The following CCDC192 variants were observed in gnomAD, a reference collection of about 807,000 sequenced individuals.
The protein encoded by CCDC192 is coiled-coil domain containing 192, also known as coiled-coil domain-containing protein 192.
intron 3 of CCDC192, chr5:127,784,512 G>GTAC (rs1756423603): frequency 2.8e-6 from 1 of 362,498 alleles, no homozygotes; most frequent in South Asian, 2.4e-5. Context: ...AAAAAGGGAG[G>GTAC]TACAATGGTG....
chr5:127,786,823 GC>G, intron 3 of CCDC192: 3 of 541,158 alleles, frequency 5.5e-6, no homozygotes, highest in South Asian at 1.8e-5. Context: ...TCAGGTGTCT[GC>G]CCCTTTTTTG....
At chr5:127,917,315 T>C (rs1172759710) in intron 6 of CCDC192, among the ~76,000 whole-genome samples, 1 of 152,206 alleles carries the variant, frequency 6.6e-6, no homozygotes, top group Non-Finnish European at 1.5e-5. Context: ...AATAAGGCTG[T>C]TTTCTTTTCT....
At chr5:127,808,462 T>C (rs1181726081) in intron 5 of CCDC192, among the ~76,000 whole-genome samples, 4 of 152,122 alleles carry the variant, frequency 2.6e-5, no homozygotes, top group South Asian at 2.1e-4. Flanking sequence ...GGACTGTGGA[T>C]TCAGTTACAT....
intron 5 of CCDC192, among the ~76,000 whole-genome samples, chr5:127,843,257 C>T (rs967726828): frequency 2.0e-5 from 3 of 151,336 alleles, no homozygotes; most frequent in African/African-American, 7.3e-5. Context: ...CCCGGATGGT[C>T]TCGATCTCCT....
At chr5:127,824,649 CAT>C (rs146408956) in intron 5 of CCDC192, among the ~76,000 whole-genome samples, 1,598 of 152,212 alleles carry the variant, frequency 0.01, 29 homozygotes, top group African/African-American at 0.036. Context: ...GAAATTGCCT[CAT>C]AGATCAAGAA....
intron 5 of CCDC192, among the ~76,000 whole-genome samples, chr5:127,813,860 T>C (rs1312149545): frequency 2.6e-5 from 4 of 152,218 alleles, no homozygotes; most frequent in Non-Finnish European, 5.9e-5. Context: ...TATTGTGTTA[T>C]AGGAACTAAG....
intron 2 of CCDC192, among the ~76,000 whole-genome samples, chr5:127,752,445 C>G (rs930373054): frequency 6.6e-6 from 1 of 152,186 alleles, no homozygotes; most frequent in African/African-American, 2.4e-5. Context: ...GGTCAGGGAC[C>G]CACTTGAGGA....
chr5:127,843,029 G>GTTTT lies in CCDC192; in HGVS notation c.412-32489_412-32486dup, dbSNP rs11428874. Among the ~76,000 whole-genome samples the GTTTT allele has an allele frequency of 2.6e-3, 241 of 91,740 alleles. 2 individuals are homozygous for GTTTT. Among genetic ancestry groups the GTTTT allele is most frequent in the Non-Finnish European group, 3.2e-3 (161 of 49,650 alleles). 60.2% of individuals were successfully genotyped at this position (91,740 alleles called of 152,430 possible). ...ATTTCCTGGGCTGTATTTTAGTCAAGTTTTTTTTTTTTTTTTTTTTTTTGA... is the reference window on the plus strand; with the variant it reads ...ATTTCCTGGGCTGTATTTTAGTCAAGTTTTTTTTTTTTTTTTTTTTTTTTTTTGA... On this transcript the variant is annotated intron_variant, in intron 5 of 6. Transcript: ENST00000514853.
At chr5:127,710,025 G>A (rs1461891413) in intron 2 of CCDC192, among the ~76,000 whole-genome samples, 1 of 152,080 alleles carries the variant, frequency 6.6e-6, no homozygotes, top group Non-Finnish European at 1.5e-5. Context: ...TTCTGCCAAG[G>A]GCTTCAATTA....
intron 2 of CCDC192, among the ~76,000 whole-genome samples, chr5:127,731,817 A>C (rs1176792398): frequency 6.6e-6 from 1 of 152,208 alleles, no homozygotes; most frequent in Non-Finnish European, 1.5e-5. Context: ...CAGAAAATTG[A>C]AACTGGTTGC....
intron 2 of CCDC192, among the ~76,000 whole-genome samples, chr5:127,751,179 CT>C (rs1754142260): frequency 6.7e-6 from 1 of 150,238 alleles, no homozygotes; most frequent in African/African-American, 2.5e-5. Flanking sequence ...GGTTATTTTG[CT>C]CGTTAGTTGA....
chr5:127,760,552 T>C (rs1412165511), intron 3 of CCDC192, among the ~76,000 whole-genome samples: 1 of 151,680 alleles, frequency 6.6e-6, no homozygotes, highest in Non-Finnish European at 1.5e-5. Flanking sequence ...TGAGGTTCTT[T>C]TTCACCCTTG....
rs746336141 is a variant in CCDC192, at chr5:127,875,679, A to T, written c.535+18A>T. 11 of 398,420 alleles carry T rather than the reference A, an allele frequency of 2.8e-5. No individual in the cohort carries two copies. The highest frequency in any genetic ancestry group is 4.4e-5 in the Non-Finnish European group (10 of 225,870). The allele number at this position is 398,420 out of a possible 1,614,324, so 24.7% of individuals were successfully genotyped here. A position where few individuals can be genotyped will look rare whatever the true frequency, so the allele number is the denominator to read the frequency against. On this transcript the variant is annotated intron_variant, in intron 6 of 6. Transcript: ENST00000514853. ...CCCTAGAGGTCAGTATTACCACGTGACAGATCCACACTGGCCCGTCAGCTG... is the reference window on the plus strand; with the variant it reads ...CCCTAGAGGTCAGTATTACCACGTGTCAGATCCACACTGGCCCGTCAGCTG...
intron 5 of CCDC192, among the ~76,000 whole-genome samples, chr5:127,803,704 C>T (rs1757630163): frequency 6.6e-6 from 1 of 152,112 alleles, no homozygotes; most frequent in East Asian, 1.9e-4. Flanking sequence ...TCCATCCCAA[C>T]GGCCATCCCA....
chr5:127,764,718 C>G (rs573668955), intron 3 of CCDC192, among the ~76,000 whole-genome samples: 40 of 152,014 alleles, frequency 2.6e-4, no homozygotes, highest in Non-Finnish European at 5.3e-4. Context: ...TACATTAACA[C>G]TAAGAATAGC....
At chr5:127,773,513 A>G (rs1280509725) in intron 3 of CCDC192, among the ~76,000 whole-genome samples, 1 of 152,212 alleles carries the variant, frequency 6.6e-6, no homozygotes, top group East Asian at 1.9e-4. Context: ...GATATTTCAG[A>G]TGAAAGGATT....
At chr5:127,878,608 A>G (rs1349521098) in intron 6 of CCDC192, among the ~76,000 whole-genome samples, 1 of 152,190 alleles carries the variant, frequency 6.6e-6, no homozygotes, top group Non-Finnish European at 1.5e-5. Context: ...GTGAGCTGAG[A>G]TCGTGCCACT....
intron 5 of CCDC192, among the ~76,000 whole-genome samples, chr5:127,861,653 CA>C (rs869134665): frequency 3.3e-5 from 5 of 151,620 alleles, no homozygotes; most frequent in Non-Finnish European, 7.4e-5. Flanking sequence ...GACTCCTTCT[CA>C]AAAAAAAATT....
chr5:127,893,837 A>G (rs1356421353), intron 6 of CCDC192, among the ~76,000 whole-genome samples: 1 of 152,226 alleles, frequency 6.6e-6, no homozygotes, highest in Non-Finnish European at 1.5e-5. Context: ...TATTTTTAAA[A>G]ATTCAGCAAT....
Sources: gnomAD v4.1 joint callset for allele counts (sites outside exome capture counted in the v4.1 genomes callset) on GRCh38, gnomAD v4.1.1 for gene constraint, MANE v1.5 for transcripts, NCBI Gene and HGNC (gene_info 2026-07-23, HGNC 2026-07-21) for gene names.